CPVL: variants seen among roughly 807,000 people sequenced by gnomAD.
CPVL encodes the protein probable serine carboxypeptidase CPVL.
CPVL carries 51 observed loss-of-function variants against 63.7 expected under a neutral mutation model. The observed-to-expected ratio is 0.80, with a 90% CI of 0.64 to 1.01. CPVL has a LOEUF of 1.01. CPVL is among the 50% of genes least tolerant of loss of function. CPVL has a pLI of 0.00. For missense variants in CPVL, 530 were observed against 573.1 expected (o/e 0.92, Z 0.77); for synonymous variants, 195 against 206.0 (o/e 0.95, Z 0.46).
rs78490018 is a variant in CPVL, at chr7:29,093,093, G to A, written c.463-391C>T. ...AGAGTGCATGGCTCTGTCCTGCCAA[G>A]AAGAAACTCTTGGTTGGCGCAGTGG... On this transcript the variant is annotated intron_variant, in intron 5 of 12. Transcript: ENST00000265394. Among the ~76,000 whole-genome samples, 354 of 152,220 alleles carry A rather than the reference G, an allele frequency of 2.3e-3. 1 individual carries two copies. The highest frequency in any genetic ancestry group is 7.9e-3 in the African/African-American group (328 of 41,522).
intron 11 of CPVL, among the ~76,000 whole-genome samples, chr7:29,046,316 C>T (rs1432542410): frequency 6.6e-6 from 1 of 152,116 alleles, no homozygotes; most frequent in African/African-American, 2.4e-5. Context: ...AAACTCCTGA[C>T]CTTGTGATCT....
intron 11 of CPVL, among the ~76,000 whole-genome samples, chr7:29,045,182 A>C (rs1366963396): frequency 6.6e-6 from 1 of 152,230 alleles, no homozygotes; most frequent in East Asian, 1.9e-4. Context: ...AAGATGTCGA[A>C]AGCATGGCAA....
intron 2 of CPVL, among the ~76,000 whole-genome samples, chr7:29,114,011 G>GC (rs1457081823): frequency 6.6e-6 from 1 of 152,172 alleles, no homozygotes; most frequent in Non-Finnish European, 1.5e-5. Context: ...CTCCTCACAT[G>GC]CCATCGACTA....
At chr7:29,159,908 G>T (rs956087305) in intron 5 of CPVL, among the ~76,000 whole-genome samples, 1 of 152,180 alleles carries the variant, frequency 6.6e-6, no homozygotes, top group Non-Finnish European at 1.5e-5. Flanking sequence ...AAGTATTTGT[G>T]GAAGGACGTA....
At chr7:29,007,554 G>A (rs546684631) in intron 12 of CPVL, among the ~76,000 whole-genome samples, 1 of 152,288 alleles carries the variant, frequency 6.6e-6, no homozygotes, top group East Asian at 1.9e-4. Context: ...TTGTGTCCCA[G>A]AATATTTCTC....
intron 12 of CPVL, among the ~76,000 whole-genome samples, chr7:29,028,565 T>C (rs903817499): frequency 6.6e-6 from 1 of 152,144 alleles, no homozygotes; most frequent in African/African-American, 2.4e-5. Flanking sequence ...ACCTGTAGAA[T>C]AGGAGAAAAT....
Position 29,099,002 on chromosome 7 carries a change from T to C in CPVL, c.289-2785A>G, listed in dbSNP as rs1041629063. 2.6e-5 allele frequency among the ~76,000 whole-genome samples: 4 copies of C among 152,194 alleles called. No individual in the cohort carries two copies. The South Asian group carries it at 6.2e-4, about 24-fold the overall frequency. On this transcript the variant is annotated intron_variant, in intron 3 of 12. Coordinates refer to ENST00000265394, the MANE Select transcript of CPVL (RefSeq NM_031311.5). ...ATCGCTTGAACCCAGGAGGCGGTCA[T>C]TGCGGTGAGCCAAGATTGCGCCATT...
chr7:29,177,565 T>G (rs1173171400), intron 5 of CPVL, among the ~76,000 whole-genome samples: 1 of 151,728 alleles, frequency 6.6e-6, no homozygotes, highest in Non-Finnish European at 1.5e-5. Context: ...CCTCACTTTT[T>G]TTTTTTTAAT....
rs567537816 is a variant in CPVL, at chr7:29,156,063, C to T, written c.-11+25227G>A. Among the ~76,000 whole-genome samples, 5 of 152,240 alleles carry T rather than the reference C, an allele frequency of 3.3e-5. No homozygotes were observed. In the South Asian group the frequency reaches 6.2e-4, roughly 19 times the overall value. The stretch of plus-strand genomic sequence containing the variant: ...AAAAGAGTGCTGAGGGATAAACCGG[C>T]GAAGCATGGTGAGAGAGGGAAGAGT... On this transcript the variant is annotated intron_variant, in intron 5 of 16. Transcript: ENST00000409850.
Position 28,995,863 on chromosome 7 carries a change from C to A in CPVL, c.1340G>T (p.Gly447Val). 11 of 1,587,216 alleles carry A rather than the reference C, an allele frequency of 6.9e-6. No homozygotes were observed. The highest frequency in any genetic ancestry group is 7.7e-6 in the Non-Finnish European group (9 of 1,168,872). ...DFHQVIIRGG[G>V]HILPYDQPLR... ...AGGCTGGTCATAGGGTAAAATATGT[C>A]CTCCACCTCGAATAATTACCTTAAA... Residue 447 changes from glycine to valine, a missense_variant, in exon 13 of 13, where the codon GGA (glycine) becomes GTA (valine). Physicochemically the swap from Gly to Val is moderately radical, Grantham distance 109. Coordinates refer to ENST00000265394, the MANE Select transcript of CPVL (RefSeq NM_031311.5).
chr7:29,005,522 C>G (rs1194683901), intron 12 of CPVL, among the ~76,000 whole-genome samples: 1 of 152,176 alleles, frequency 6.6e-6, no homozygotes, highest in African/African-American at 2.4e-5. Flanking sequence ...AAGCAAACCT[C>G]TGTCACTGCA....
intron 12 of CPVL, among the ~76,000 whole-genome samples, chr7:29,020,799 GAAT>G (rs1310695574): frequency 6.6e-6 from 1 of 152,134 alleles, no homozygotes; most frequent in Non-Finnish European, 1.5e-5. Flanking sequence ...TCTTTGAAAA[GAAT>G]AAAATTGTTA....
intron 1 of CPVL, chr7:29,122,474 G>A (rs1789483630): frequency 1.3e-5 from 2 of 152,254 alleles, no homozygotes; most frequent in South Asian, 2.1e-4. Context: ...GGATGTTGAT[G>A]TTGCTGGTTC....
chr7:29,169,240 C>T (rs1796296620), intron 5 of CPVL, among the ~76,000 whole-genome samples: 1 of 152,028 alleles, frequency 6.6e-6, no homozygotes, highest in South Asian at 2.1e-4. Flanking sequence ...AATAAATGCA[C>T]TATGCTGATA....
intron 1 of CPVL, among the ~76,000 whole-genome samples, chr7:29,127,789 T>C (rs779575650): frequency 5.3e-5 from 8 of 152,184 alleles, no homozygotes; most frequent in Non-Finnish European, 1.0e-4. Flanking sequence ...GAAAGGAATC[T>C]GAACAAATAG....
At chr7:29,085,681 G>A (rs1785131875) in intron 7 of CPVL, among the ~76,000 whole-genome samples, 2 of 152,132 alleles carry the variant, frequency 1.3e-5, no homozygotes, top group African/African-American at 4.8e-5. Context: ...GCAAGATCTG[G>A]CAGACACCAC....
intron 6 of CPVL, among the ~76,000 whole-genome samples, chr7:29,092,315 C>T (rs1037363893): frequency 2.0e-5 from 3 of 151,154 alleles, no homozygotes; most frequent in Admixed American, 6.6e-5. Flanking sequence ...CCAAAAGCCA[C>T]GAAAAGAAGA....
intron 7 of CPVL, among the ~76,000 whole-genome samples, chr7:29,076,280 C>T (rs1215398175): frequency 6.6e-6 from 1 of 152,126 alleles, no homozygotes; most frequent in Non-Finnish European, 1.5e-5. Flanking sequence ...AACCAGAACT[C>T]TTGGTCCCGT....
At chr7:29,059,336 T>G (rs1253715119) in intron 11 of CPVL, among the ~76,000 whole-genome samples, 1 of 152,192 alleles carries the variant, frequency 6.6e-6, no homozygotes, top group East Asian at 1.9e-4. Context: ...CCTTAGCATA[T>G]TAATCATAGA....
Sources: allele counts gnomAD v4.1 joint callset (sites outside exome capture counted in the v4.1 genomes callset), GRCh38; gene constraint gnomAD v4.1.1; transcripts MANE v1.5; gene names NCBI Gene and HGNC (gene_info 2026-07-23, HGNC 2026-07-21).